The following JAZF1 variants were observed in gnomAD, a reference collection of about 807,000 sequenced individuals.
JAZF1 encodes the protein JAZF zinc finger 1, also known as juxtaposed with another zinc finger protein 1.
Under a neutral mutation model 26.4 loss-of-function variants are expected in JAZF1, and 8 were observed. That is an observed-to-expected ratio of 0.30 (90% CI 0.18 to 0.55). The LOEUF is 0.55. Among genes scored for constraint, JAZF1 ranks in the 20% least tolerant of loss-of-function variants. JAZF1 has a pLI of 0.94. For missense variants in JAZF1, 199 were observed against 322.0 expected, an observed-to-expected ratio of 0.62 and a Z score of 2.92; for synonymous variants, 126 against 122.3, an observed-to-expected ratio of 1.03 and a Z score of -0.20.
At chr7:28,156,002 G>A (rs1369296159) in intron 1 of JAZF1, among the ~76,000 whole-genome samples, 1 of 152,092 alleles carries the variant, frequency 6.6e-6, no homozygotes, top group Admixed American at 6.5e-5. Context: ...CACAGTAGCT[G>A]GTATGTACAT....
At chr7:27,884,456 T>C (rs1183933158) in intron 3 of JAZF1, among the ~76,000 whole-genome samples, 1 of 152,196 alleles carries the variant, frequency 6.6e-6, no homozygotes, top group African/African-American at 2.4e-5. Context: ...TTGATAAATG[T>C]ATACATTTGT....
intron 1 of JAZF1, among the ~76,000 whole-genome samples, chr7:28,156,638 T>C (rs1416026024): frequency 6.6e-6 from 1 of 152,176 alleles, no homozygotes; most frequent in Non-Finnish European, 1.5e-5. Flanking sequence ...AAACACAAAT[T>C]GCTGGGTCTC....
intron 1 of JAZF1, among the ~76,000 whole-genome samples, chr7:28,067,760 G>C (rs536747920): frequency 9.2e-5 from 14 of 152,314 alleles, no homozygotes; most frequent in African/African-American, 2.9e-4. Context: ...GACTTCGGCA[G>C]GTGCTCAAAC....
At chr7:28,046,931 A>G (rs1783506878) in intron 1 of JAZF1, among the ~76,000 whole-genome samples, 1 of 152,066 alleles carries the variant, frequency 6.6e-6, no homozygotes. Flanking sequence ...TCCATATTTT[A>G]ATGTTGTTTA....
intron 2 of JAZF1, among the ~76,000 whole-genome samples, chr7:27,962,828 T>G (rs559994323): frequency 6.6e-6 from 1 of 152,186 alleles, no homozygotes; most frequent in Non-Finnish European, 1.5e-5. Context: ...TCCCCTGATA[T>G]TCTAGGGAAT....
At position 27,849,234 on chromosome 7, in the gene JAZF1, C is replaced by T. The variant is rs76999312; in HGVS notation, c.386-8367G>A. ...ACGCATGGAGTCGCTCAAAACCACA[C>T]GTGACGTTCAGTGTGTGAGCAGGTG... On this transcript the variant is annotated intron_variant, in intron 3 of 4. Transcript: ENST00000283928. Among the ~76,000 whole-genome samples the T allele has an allele frequency of 4.2e-4, 64 of 152,306 alleles. 1 individual carries two copies. Among genetic ancestry groups the T allele is most frequent in the African/African-American group, 1.0e-3 (43 of 41,572 alleles).
chr7:27,856,317 C>T (rs115550717), intron 3 of JAZF1, among the ~76,000 whole-genome samples: 4 of 152,174 alleles, frequency 2.6e-5, no homozygotes, highest in Non-Finnish European at 5.9e-5. Flanking sequence ...GTCTTGCTGG[C>T]TTCAAGAGTG....
chr7:28,178,271 C>A (rs1783577238), intron 1 of JAZF1, among the ~76,000 whole-genome samples: 1 of 152,040 alleles, frequency 6.6e-6, no homozygotes, highest in African/African-American at 2.4e-5. Flanking sequence ...AAAAAAACCT[C>A]ATGATTCACC....
chr7:27,938,842 T>C (rs1364690125), intron 2 of JAZF1, among the ~76,000 whole-genome samples: 1 of 150,824 alleles, frequency 6.6e-6, no homozygotes, highest in East Asian at 1.9e-4. Flanking sequence ...AGTTTTGCCA[T>C]GTTGCCCAGG....
intron 2 of JAZF1, among the ~76,000 whole-genome samples, chr7:27,916,854 G>C (rs1315588605): frequency 6.6e-6 from 1 of 152,248 alleles, no homozygotes; most frequent in Non-Finnish European, 1.5e-5. Flanking sequence ...ATGTCGGTGA[G>C]TGACTGTGAA....
At chr7:27,844,661 T>C (rs1782986439) in intron 3 of JAZF1, 1 of 152,186 alleles carries the variant, frequency 6.6e-6, no homozygotes, top group Non-Finnish European at 1.5e-5. Flanking sequence ...AGGGTAGGGA[T>C]AAAATAAGAA....
chr7:28,002,546 G>A (rs1199486912), intron 1 of JAZF1, among the ~76,000 whole-genome samples: 1 of 152,194 alleles, frequency 6.6e-6, no homozygotes, highest in African/African-American at 2.4e-5. Context: ...CCCTAGGGTT[G>A]AAATGTGGAT....
At chr7:27,875,125 G>A (rs945030548) in intron 3 of JAZF1, among the ~76,000 whole-genome samples, 8 of 152,134 alleles carry the variant, frequency 5.3e-5, no homozygotes, top group African/African-American at 2.4e-5. Context: ...ACTGTAGGCT[G>A]CCCCTGAAAA....
chr7:28,033,805 C>T (rs897502372), intron 1 of JAZF1, among the ~76,000 whole-genome samples: 4 of 152,168 alleles, frequency 2.6e-5, no homozygotes, highest in South Asian at 2.1e-4. Flanking sequence ...CGCAGAGACA[C>T]GATCTCGGCT....
chr7:28,106,254 A>G (rs1784551873), intron 1 of JAZF1, among the ~76,000 whole-genome samples: 1 of 152,122 alleles, frequency 6.6e-6, no homozygotes, highest in South Asian at 2.1e-4. Flanking sequence ...TTTTCTTTTC[A>G]CTTGCTTTTG....
intron 2 of JAZF1, among the ~76,000 whole-genome samples, chr7:27,901,981 G>A (rs570925574): frequency 2.8e-4 from 42 of 152,182 alleles, no homozygotes; most frequent in Non-Finnish European, 5.1e-4. Flanking sequence ...GTATAAATAG[G>A]CCTGCAACCT....
rs201743693 is a variant in JAZF1, at chr7:27,911,802, GAAAAGGAGGC to G, written c.189-16396_189-16387del. 5.7e-3 allele frequency among the ~76,000 whole-genome samples: 864 copies of G among 152,250 alleles called. 9 individuals carry two copies. Among genetic ancestry groups the G allele is most frequent in the African/African-American group, 0.02 (825 of 41,542 alleles). ...GGAGAAAACTAAGGGAGCAAGCAGG[GAAAAGGAGGC>G]AAAGGTTGAGAAGAGAAACTTGGGG... On this transcript the variant is annotated intron_variant, in intron 2 of 4. Transcript: ENST00000283928.
intron 1 of JAZF1, among the ~76,000 whole-genome samples, chr7:28,031,520 T>G (rs1428972502): frequency 6.6e-6 from 1 of 152,216 alleles, no homozygotes; most frequent in Non-Finnish European, 1.5e-5. Context: ...TGAGACCTTA[T>G]GCTGGTTACT....
At chr7:28,168,238 C>T (rs1325482816) in intron 1 of JAZF1, among the ~76,000 whole-genome samples, 3 of 152,026 alleles carry the variant, frequency 2.0e-5, no homozygotes, top group Non-Finnish European at 2.9e-5. Context: ...AAAAATTAGC[C>T]GGGCGTGGCA....
Sources: allele counts gnomAD v4.1 joint callset (sites outside exome capture counted in the v4.1 genomes callset), GRCh38; gene constraint gnomAD v4.1.1; transcripts MANE v1.5; gene names NCBI Gene and HGNC (gene_info 2026-07-23, HGNC 2026-07-21).